The following C7 variants were observed in gnomAD, a reference collection of about 807,000 sequenced individuals.
C7 encodes the protein complement component C7.
Under a neutral mutation model 104.8 loss-of-function variants are expected in C7, and 83 were observed. The ratio of observed to expected loss-of-function variants is 0.79; its 90% confidence interval spans 0.66 to 0.95. The LOEUF (loss-of-function observed/expected upper bound fraction) is 0.95. C7 is among the 40% of genes least tolerant of loss of function. The pLI is 0.00. For synonymous variants in C7, 415 were observed against 360.6 expected, an observed-to-expected ratio of 1.15 and a Z score of -1.71; for missense variants, 1,070 against 1,011.2, an observed-to-expected ratio of 1.06 and a Z score of -0.79.
intron 10 of C7, 62 bp from the exon 11 acceptor site, chr5:40,957,971 G>C: frequency 1.6e-6 from 2 of 1,244,396 alleles, no homozygotes; most frequent in East Asian, 2.5e-5. Flanking sequence ...GCCTAAACAT[G>C]AAAAGCAAAA....
Position 40,936,417 on chromosome 5 carries a change from G to T in C7, c.360G>T (p.Glu120Asp), listed in dbSNP as rs1739817198. ...DEDSADEDRC[E>D]DSERRPSCDI... The stretch of plus-strand genomic sequence containing the variant: ...ACAGTGCTGATGAAGACAGATGTGA[G>T]GACTCAGAAAGGAGACCTTCCTGTG... Residue 120 changes from glutamate to aspartate, a missense_variant, in exon 5 of 18, where the codon GAG becomes GAT. Transcript: ENST00000313164. 4 of 1,613,190 alleles carry T rather than the reference G, an allele frequency of 2.5e-6. No individual in the cohort carries two copies. Among genetic ancestry groups the T allele is most frequent in the South Asian group, 2.2e-5 (2 of 91,024 alleles).
At chr5:40,927,709 A>C (rs1739585395) in intron 1 of C7, among the ~76,000 whole-genome samples, 2 of 152,148 alleles carry the variant, frequency 1.3e-5, no homozygotes, top group South Asian at 4.1e-4. Context: ...ATTGCTAATC[A>C]TTAGAGAAAT....
At chr5:40,933,920 G>T (rs1197124709) in intron 3 of C7, among the ~76,000 whole-genome samples, 3 of 147,864 alleles carry the variant, frequency 2.0e-5, no homozygotes, top group African/African-American at 5.1e-5. Context: ...CTTTACTCAG[G>T]TTACTTTCTT....
At chr5:40,916,365 A>G (rs1739316154) in intron 1 of C7, among the ~76,000 whole-genome samples, 3 of 152,198 alleles carry the variant, frequency 2.0e-5, no homozygotes, top group South Asian at 4.1e-4. Flanking sequence ...CACCCACAGT[A>G]CTAAAGAATA....
Position 40,984,305 on chromosome 5 carries a change from G to A in C7, c.*2732G>A, listed in dbSNP as rs1468439606. Among the ~76,000 whole-genome samples the A allele has an allele frequency of 6.6e-6, 1 of 152,184 alleles. No homozygotes were observed. Among genetic ancestry groups the A allele is most frequent in the Non-Finnish European group, 1.5e-5 (1 of 68,042 alleles). ...TATTCAGGTAGGGTATGGTAGGGAT[G>A]TGGAGTGCCAAGCAGGAAATCTGAC... On this transcript the variant is annotated 3_prime_UTR_variant, in exon 18 of 18. Coordinates refer to ENST00000313164, the MANE Select transcript of C7 (RefSeq NM_000587.4).
chr5:40,959,384 G>C (rs1740372923), intron 11 of C7, 65 bp from the exon 12 acceptor site: 1 of 1,411,130 alleles, frequency 7.1e-7, no homozygotes, highest in Admixed American at 2.1e-5. Flanking sequence ...TTAGCAGGAA[G>C]CATAGCACTA....
chr5:40,925,151 A>G (rs1170315784), intron 1 of C7, among the ~76,000 whole-genome samples: 1 of 152,038 alleles, frequency 6.6e-6, no homozygotes, highest in African/African-American at 2.4e-5. Flanking sequence ...ATAAATTCCA[A>G]CTTTAAGTCA....
chr5:40,944,460 G>C (rs990699295), intron 6 of C7, among the ~76,000 whole-genome samples: 3 of 152,160 alleles, frequency 2.0e-5, no homozygotes, highest in African/African-American at 4.8e-5. Context: ...GACAGGGTAC[G>C]TGTTCACTTT....
chr5:40,957,959 G>T (rs1222416978), intron 10 of C7, 74 bp from the exon 11 acceptor site: 1 of 981,084 alleles, frequency 1.0e-6, no homozygotes, highest in Non-Finnish European at 1.5e-6. Context: ...AATGAGAGTC[G>T]TGCCTAAACA....
rs1471234164 is a variant in C7 at position 40,934,340 on chromosome 5, G to T, written c.154G>T (p.Val52Phe). The change falls in exon 4 of 18, where the codon GTT (valine) becomes TTT (phenylalanine). Residue 52 changes from valine to phenylalanine, a missense_variant. Transcript: ENST00000313164. ...CTKTQTRRRS[V>F]AVYGQYGGQP... ...TTGTGTTTAGACTCGCAGGCGGTCA[G>T]TTGCTGTGTATGGGCAGTATGGAGG... 6.2e-7 allele frequency: 1 copy of T among 1,603,756 alleles called. No individual in the cohort carries two copies. Among genetic ancestry groups the T allele is most frequent in the African/African-American group, 1.3e-5 (1 of 74,710 alleles).
intron 1 of C7, among the ~76,000 whole-genome samples, chr5:40,920,302 G>C (rs1386123332): frequency 1.3e-5 from 2 of 152,070 alleles, no homozygotes; most frequent in Non-Finnish European, 2.9e-5. Context: ...AGCATTGAAA[G>C]TGAGGTATGG....
intron 15 of C7, among the ~76,000 whole-genome samples, chr5:40,976,214 G>C (rs1283920333): frequency 6.6e-6 from 1 of 152,068 alleles, no homozygotes; most frequent in Non-Finnish European, 1.5e-5. Context: ...CGGCACACCA[G>C]GGAGTTCTCC....
intron 17 of C7, among the ~76,000 whole-genome samples, chr5:40,980,783 C>T (rs1740925951): frequency 6.6e-6 from 1 of 152,180 alleles, no homozygotes; most frequent in African/African-American, 2.4e-5. Context: ...GCAGCACAGA[C>T]TGATGACATA....
chr5:40,953,195 C>G lies in C7; in HGVS notation c.1094-2192C>G, dbSNP rs576394560. Among the ~76,000 whole-genome samples, 4 of 152,050 alleles carry G rather than the reference C, an allele frequency of 2.6e-5. No individual in the cohort carries two copies. The South Asian group carries it at 8.3e-4, about 32-fold the overall frequency. On this transcript the variant is annotated intron_variant, in intron 9 of 17. Transcript: ENST00000313164. ...TGTTAAAACTATTAAGATTTACAGT[C>G]ACAGAAAGTCAAATATTGCATGTTC... is the stretch of plus-strand genomic sequence containing the variant.
At chr5:40,912,608 T>C (rs4273640) in intron 1 of C7, among the ~76,000 whole-genome samples, 6,138 of 152,116 alleles carry the variant, frequency 0.04, 434 homozygotes, top group African/African-American at 0.14. Flanking sequence ...ATCCTACCAC[T>C]TTGTCCTCCC....
At chr5:40,941,130 C>A (rs1206267580) in intron 6 of C7, among the ~76,000 whole-genome samples, 3 of 148,006 alleles carry the variant, frequency 2.0e-5, no homozygotes, top group African/African-American at 5.0e-5. Context: ...GTCGTGTGAT[C>A]TCGGCTCACT....
chr5:40,940,395 A>G (rs1376546221), intron 6 of C7, among the ~76,000 whole-genome samples: 1 of 152,218 alleles, frequency 6.6e-6, no homozygotes, highest in Non-Finnish European at 1.5e-5. Flanking sequence ...GAGAGATAGC[A>G]GAGGACTATT....
At chr5:40,949,806 A>G (rs1432392521) in intron 8 of C7, 98 bp from the exon 9 acceptor site, 5 of 735,348 alleles carry the variant, frequency 6.8e-6, no homozygotes, top group African/African-American at 3.5e-5. Flanking sequence ...TTAGATGGCC[A>G]TAGTAGCAGC....
intron 10 of C7, 101 bp from the exon 11 acceptor site, chr5:40,957,932 G>C (rs1740329938): frequency 1.5e-6 from 1 of 685,768 alleles, no homozygotes; most frequent in South Asian, 2.8e-5. Flanking sequence ...CTTGCCCGTG[G>C]CTTTTGATTT....
Sources: gnomAD v4.1 joint callset for allele counts (sites outside exome capture counted in the v4.1 genomes callset) on GRCh38, gnomAD v4.1.1 for gene constraint, MANE v1.5 for transcripts, NCBI Gene and HGNC (gene_info 2026-07-23, HGNC 2026-07-21) for gene names.